CENPK: variants seen among roughly 807,000 people sequenced by gnomAD.
The protein encoded by CENPK is SoxLZ/Sox6-binding protein Solt.
Under a neutral mutation model 40.9 loss-of-function variants are expected in CENPK, and 46 were observed. That is an observed-to-expected ratio of 1.13 (90% CI 0.89 to 1.44). CENPK has a LOEUF of 1.44. CENPK is among the 40% of genes most tolerant of loss of function. CENPK has a pLI of 0.00. For missense variants in CENPK, 288 were observed against 303.5 expected (o/e 0.95, Z 0.38); for synonymous variants, 107 against 104.4 (o/e 1.02, Z -0.15).
At chr5:65,542,518 T>C (rs918196580) in intron 6 of CENPK, among the ~76,000 whole-genome samples, 4 of 151,866 alleles carry the variant, frequency 2.6e-5, no homozygotes, top group Non-Finnish European at 4.4e-5. Flanking sequence ...ATGCCTGTAA[T>C]CCTAGCTACT....
rs1743065238 is a variant in CENPK at position 65,518,267 on chromosome 5, A to C, written c.*208T>G. ...ATATTATCTACCTGCATTCTTATCC[A>C]TATAGTTTAAAACACTAAAGCACTC... On this transcript the variant is annotated 3_prime_UTR_variant, in exon 11 of 11. Coordinates refer to ENST00000396679, the MANE Select transcript of CENPK (RefSeq NM_022145.5). The C allele has an allele frequency of 7.9e-6, 4 of 508,824 alleles. No individual in the cohort carries two copies. The highest frequency in any genetic ancestry group is 1.4e-5 in the Non-Finnish European group (4 of 292,668). 31.5% of individuals were successfully genotyped at this position (508,824 alleles called of 1,614,324 possible). A position where few individuals can be genotyped will look rare whatever the true frequency, so the allele number is the denominator to read the frequency against.
chr5:65,561,597 AACACACAC>A (rs10560318), intron 1 of CENPK, 33 bp from the exon 2 acceptor site: 12 of 382,018 alleles, frequency 3.1e-5, no homozygotes, highest in Non-Finnish European at 5.4e-5. Context: ...GTTTAATTAA[AACACACAC>A]ACACACACAC....
At chr5:65,539,552 T>C (rs762495537) in intron 6 of CENPK, among the ~76,000 whole-genome samples, 22 of 152,252 alleles carry the variant, frequency 1.4e-4, no homozygotes, top group Non-Finnish European at 2.6e-4. Flanking sequence ...GGTTCAATGC[T>C]GTCTTCAAGG....
intron 2 of CENPK, among the ~76,000 whole-genome samples, chr5:65,560,739 G>A (rs919194835): frequency 1.3e-5 from 2 of 152,194 alleles, no homozygotes; most frequent in African/African-American, 4.8e-5. Flanking sequence ...TGGCAAGCAT[G>A]TGAAATAAGA....
At chr5:65,510,737 C>T in the CENPK span, among the ~76,000 whole-genome samples, 18 of 150,370 alleles carry the variant, frequency 1.2e-4, no homozygotes, top group East Asian at 3.9e-4. Context: ...GATTGTGCCA[C>T]TGCACTCCAG....
intron 6 of CENPK, among the ~76,000 whole-genome samples, chr5:65,533,960 A>G (rs1746373214): frequency 6.9e-6 from 1 of 145,616 alleles, no homozygotes; most frequent in Admixed American, 7.2e-5. Flanking sequence ...AGGCAGGAGA[A>G]TGGCGTGAAC....
intron 4 of CENPK, 83 bp from the exon 5 acceptor site, chr5:65,551,719 T>A: frequency 2.8e-6 from 2 of 714,396 alleles, no homozygotes; most frequent in African/African-American, 1.9e-5. Context: ...CTTAATATTT[T>A]AAAACTTTGC....
At chr5:65,544,435 T>A (rs1300752797) in intron 5 of CENPK, among the ~76,000 whole-genome samples, 1 of 152,172 alleles carries the variant, frequency 6.6e-6, no homozygotes. Context: ...GCACTGTCGG[T>A]GGGATTGAAA....
At chr5:65,501,809 T>C in the CENPK span, among the ~76,000 whole-genome samples, 1 of 152,318 alleles carries the variant, frequency 6.6e-6, no homozygotes, top group African/African-American at 2.4e-5. Context: ...TCAGTCTGGC[T>C]AGGAAAGGAA....
intron 8 of CENPK, 28 bp from the exon 9 acceptor site, chr5:65,528,606 C>A: frequency 1.3e-6 from 2 of 1,485,950 alleles, no homozygotes; most frequent in Non-Finnish European, 1.8e-6. Flanking sequence ...TTAAGAGAAA[C>A]ATTTAACTGA....
chr5:65,518,488 G>A lies in CENPK; in HGVS notation c.797C>T (p.Ala266Val), dbSNP rs933805256. The change falls in exon 11 of 11, where the codon GCT becomes GTT. Residue 266 changes from alanine to valine, a missense_variant. Coordinates refer to ENST00000396679, the MANE Select transcript of CENPK (RefSeq NM_022145.5). ...GAAAACATCCTTTTACTGATGGAAA[G>A]CTTCTAATCTTATTCGGGTTGGATC... Reference protein sequence around the residue: ...PEDPTRIRLEAFHQ With the variant: ...PEDPTRIRLEVFHQ The A allele has an allele frequency of 3.7e-6, 6 of 1,609,470 alleles. No homozygotes were observed. In the East Asian group the frequency reaches 1.3e-4, roughly 36 times the overall value.
At chr5:65,548,911 G>A (rs567025594) in intron 5 of CENPK, among the ~76,000 whole-genome samples, 102 of 151,976 alleles carry the variant, frequency 6.7e-4, no homozygotes, top group African/African-American at 2.4e-3. Flanking sequence ...TCCTGTTAAT[G>A]TTGTTATTTT....
At chr5:65,507,904 T>C in the CENPK span, among the ~76,000 whole-genome samples, 1 of 152,228 alleles carries the variant, frequency 6.6e-6, no homozygotes. Flanking sequence ...TCAAGAGTAC[T>C]GGCAAGTTAT....
intron 6 of CENPK, among the ~76,000 whole-genome samples, chr5:65,535,199 T>A (rs755378288): frequency 4.6e-5 from 7 of 150,944 alleles, no homozygotes; most frequent in Non-Finnish European, 7.4e-5. Context: ...GCCACTGCAG[T>A]GCAGCCTGAG....
Position 65,554,862 on chromosome 5 carries a change from C to T in CENPK, c.46G>A (p.Asp16Asn). ...LDPDSTTDVG[D>N]VTNTEEELIR... is the part of the protein sequence containing the mutation. ...AGTTCTTCTTCAGTATTTGTAACATCTCCCACATCTGTAGTACTATCCGGA... is the reference window on the plus strand; with the variant it reads ...AGTTCTTCTTCAGTATTTGTAACATTTCCCACATCTGTAGTACTATCCGGA... Residue 16 changes from aspartate to asparagine, a missense_variant, in exon 3 of 11, where the codon GAT (aspartate) becomes AAT (asparagine). Coordinates refer to ENST00000396679, the MANE Select transcript of CENPK (RefSeq NM_022145.5). 2 of 1,605,644 alleles carry T rather than the reference C, an allele frequency of 1.2e-6. No homozygotes were observed. The highest frequency in any genetic ancestry group is 1.7e-6 in the Non-Finnish European group (2 of 1,172,572).
chr5:65,555,894 T>TA (rs1426689362), intron 2 of CENPK, among the ~76,000 whole-genome samples: 2 of 152,234 alleles, frequency 1.3e-5, no homozygotes, highest in African/African-American at 4.8e-5. Flanking sequence ...ATTAAGCAAT[T>TA]AGATATACAT....
chr5:65,550,067 C>T (rs1749699004), intron 5 of CENPK, among the ~76,000 whole-genome samples: 1 of 149,118 alleles, frequency 6.7e-6, no homozygotes, highest in Admixed American at 6.9e-5. Flanking sequence ...ACTTGGGATG[C>T]TGACATAGGA....
At chr5:65,541,367 T>A (rs1181348735) in intron 6 of CENPK, 1 of 456,000 alleles carries the variant, frequency 2.2e-6, no homozygotes, top group Non-Finnish European at 4.4e-6. Flanking sequence ...CCAAGTAGAT[T>A]ATGTCAGAAC....
At chr5:65,516,589 A>G (rs1742871795), downstream of CENPK, among the ~76,000 whole-genome samples, 1 of 152,226 alleles carries the variant, frequency 6.6e-6, no homozygotes, top group Non-Finnish European at 1.5e-5. Context: ...GGTTACCCCA[A>G]GGCAGAGAGG....
Sources: allele counts gnomAD v4.1 joint callset (sites outside exome capture counted in the v4.1 genomes callset), GRCh38; gene constraint gnomAD v4.1.1; transcripts MANE v1.5; gene names NCBI Gene and HGNC (gene_info 2026-07-23, HGNC 2026-07-21).